Variants in AGBL1 observed in about 807,000 individuals in gnomAD.
The protein encoded by AGBL1 is AGBL carboxypeptidase 1.
AGBL1 carries 130 observed loss-of-function variants against 118.9 expected under a neutral mutation model. The observed-to-expected ratio is 1.09, with a 90% CI of 0.95 to 1.26. The LOEUF is 1.26. Ranked by LOEUF, AGBL1 falls within the 50% of genes most tolerant of loss-of-function variation. AGBL1 has a pLI of 0.00. For missense variants in AGBL1, 1,584 were observed against 1,298.1 expected, an observed-to-expected ratio of 1.22 and a Z score of -3.38; for synonymous variants, 555 against 478.9, an observed-to-expected ratio of 1.16 and a Z score of -2.08.
chr15:86,972,745 C>G (rs1175889806), intron 23 of AGBL1, among the ~76,000 whole-genome samples: 1 of 152,036 alleles, frequency 6.6e-6, no homozygotes, highest in African/African-American at 2.4e-5. Flanking sequence ...TGTGGCCATT[C>G]TGCTTTACAA....
At chr15:86,447,506 T>C (rs2082136485) in intron 18 of AGBL1, among the ~76,000 whole-genome samples, 1 of 152,180 alleles carries the variant, frequency 6.6e-6, no homozygotes, top group Non-Finnish European at 1.5e-5. Flanking sequence ...CTTGTCTGAC[T>C]TGAAATCTAT....
intron 17 of AGBL1, among the ~76,000 whole-genome samples, chr15:86,394,627 G>A (rs998630137): frequency 2.0e-5 from 3 of 152,132 alleles, no homozygotes; most frequent in Non-Finnish European, 4.4e-5. Flanking sequence ...AGCTGCTTAA[G>A]GAATTTGCCA....
At chr15:86,395,069 C>G (rs2081343098) in intron 17 of AGBL1, among the ~76,000 whole-genome samples, 2 of 152,112 alleles carry the variant, frequency 1.3e-5, no homozygotes, top group South Asian at 4.1e-4. Context: ...ACTGATGACT[C>G]TGCAATATAC....
chr15:86,663,742 G>T (rs909437878), intron 21 of AGBL1, among the ~76,000 whole-genome samples: 1 of 152,166 alleles, frequency 6.6e-6, no homozygotes, highest in Non-Finnish European at 1.5e-5. Flanking sequence ...AATCCATGAA[G>T]TATAAAGCCT....
Position 86,914,426 on chromosome 15 carries a change from GAC to G in AGBL1, c.*7135_*7136del, listed in dbSNP as rs967972935. The G allele has an allele frequency of 1.3e-5, 2 of 152,110 alleles. No individual in the cohort carries two copies. The highest frequency in any genetic ancestry group is 2.9e-5 in the Non-Finnish European group (2 of 68,026). The allele number at this position is 152,110 out of a possible 1,614,324, so 9.4% of individuals were successfully genotyped here. On this transcript the variant is annotated 3_prime_UTR_variant, in exon 23 of 23. Transcript: ENST00000614907. ...AATGAAGTGCACCCATACTTAAAGA[GAC>G]ACGTTTAGTAAATGATAGAGCTGGA...
At chr15:86,545,859 G>T (rs1482665355) in intron 19 of AGBL1, 143 bp from the exon 20 acceptor site, 2 of 949,524 alleles carry the variant, frequency 2.1e-6, no homozygotes, top group Non-Finnish European at 3.1e-6. Context: ...CACATGGCTG[G>T]TCTGCTAACT....
chr15:86,416,954 C>T (rs1023711700), intron 18 of AGBL1, among the ~76,000 whole-genome samples: 5 of 152,200 alleles, frequency 3.3e-5, no homozygotes, highest in Non-Finnish European at 7.3e-5. Context: ...GGACAAAGAT[C>T]TTATCCCTAT....
chr15:86,080,934 G>A (rs1346060083), intron 1 of AGBL1, among the ~76,000 whole-genome samples: 1 of 148,180 alleles, frequency 6.7e-6, no homozygotes, highest in South Asian at 2.4e-4. Flanking sequence ...TGGGCTTGTG[G>A]GGGCGGGGGG....
chr15:86,359,703 T>C (rs1402195235), intron 17 of AGBL1, among the ~76,000 whole-genome samples: 3 of 151,918 alleles, frequency 2.0e-5, no homozygotes, highest in Non-Finnish European at 2.9e-5. Context: ...AATCTCTATC[T>C]TCCTTAATTT....
intron 5 of AGBL1, among the ~76,000 whole-genome samples, chr15:86,210,402 A>C (rs879898826): frequency 1.4e-4 from 21 of 152,292 alleles, no homozygotes; most frequent in South Asian, 1.0e-3. Flanking sequence ...TAATATCCTG[A>C]AGAGTGTTTT....
chr15:86,501,385 C>T (rs752899868), intron 18 of AGBL1, among the ~76,000 whole-genome samples: 3 of 151,480 alleles, frequency 2.0e-5, no homozygotes, highest in African/African-American at 7.3e-5. Flanking sequence ...AATATTTTCT[C>T]CCATTCTGTG....
chr15:86,564,097 G>T (rs1361526430), intron 21 of AGBL1, among the ~76,000 whole-genome samples: 2 of 152,170 alleles, frequency 1.3e-5, no homozygotes, highest in East Asian at 3.8e-4. Flanking sequence ...TTGCCAGTCT[G>T]TGTCTTTTAA....
At chr15:86,628,481 A>G (rs879444257) in intron 21 of AGBL1, among the ~76,000 whole-genome samples, 1 of 152,116 alleles carries the variant, frequency 6.6e-6, no homozygotes, top group Non-Finnish European at 1.5e-5. Flanking sequence ...AAACATGTTT[A>G]TTGAACTAAT....
intron 21 of AGBL1, among the ~76,000 whole-genome samples, chr15:86,559,699 T>G (rs1173716728): frequency 6.6e-6 from 1 of 152,234 alleles, no homozygotes; most frequent in Non-Finnish European, 1.5e-5. Flanking sequence ...TCATTATTCC[T>G]ATTTTACAAA....
At chr15:86,451,571 A>T (rs1807855487) in intron 18 of AGBL1, among the ~76,000 whole-genome samples, 1 of 152,206 alleles carries the variant, frequency 6.6e-6, no homozygotes, top group Non-Finnish European at 1.5e-5. Flanking sequence ...AGCTGTATTA[A>T]TTTGGGATAC....
chr15:86,965,499 T>G (rs1433886384), intron 23 of AGBL1, among the ~76,000 whole-genome samples: 1 of 152,092 alleles, frequency 6.6e-6, no homozygotes, highest in East Asian at 1.9e-4. Flanking sequence ...TCTTGTAAAT[T>G]TGTTTAAGTT....
At chr15:86,199,416 G>A (rs1263676206) in intron 5 of AGBL1, among the ~76,000 whole-genome samples, 1 of 152,160 alleles carries the variant, frequency 6.6e-6, no homozygotes, top group Non-Finnish European at 1.5e-5. Flanking sequence ...AACTTCCTGA[G>A]GCTCTCAAGA....
intron 15 of AGBL1, among the ~76,000 whole-genome samples, chr15:86,279,438 G>C (rs1347763490): frequency 6.6e-6 from 1 of 152,196 alleles, no homozygotes; most frequent in African/African-American, 2.4e-5. Context: ...ACATGTTGCT[G>C]AACTGACTCA....
intron 24 of AGBL1, among the ~76,000 whole-genome samples, chr15:87,018,527 G>A (rs1019775691): frequency 3.3e-5 from 5 of 152,194 alleles, no homozygotes; most frequent in Non-Finnish European, 7.4e-5. Flanking sequence ...CATAAGAAAA[G>A]GAGATATAAG....
Sources: allele counts gnomAD v4.1 joint callset (sites outside exome capture counted in the v4.1 genomes callset), GRCh38; gene constraint gnomAD v4.1.1; transcripts MANE v1.5; gene names NCBI Gene and HGNC (gene_info 2026-07-23, HGNC 2026-07-21).